The following CNTN5 variants were observed in gnomAD, a reference collection of about 807,000 sequenced individuals.
The protein encoded by CNTN5 is contactin 5.
A neutral mutation model predicts 129.1 loss-of-function variants in CNTN5; 77 were observed. The observed-to-expected ratio is 0.60, with a 90% CI of 0.50 to 0.72. The LOEUF (loss-of-function observed/expected upper bound fraction) is 0.72, where lower values mean the gene tolerates loss of function less well. Ranked by LOEUF, CNTN5 falls within the 30% of genes least tolerant of loss-of-function variation. The pLI is 0.00. For missense variants in CNTN5, 1,478 were observed against 1,328.8 expected (o/e 1.11, Z -1.75); for synonymous variants, 509 against 465.6 (o/e 1.09, Z -1.20).
chr11:99,455,777 A>G (rs1442700396), intron 2 of CNTN5, among the ~76,000 whole-genome samples: 6 of 152,178 alleles, frequency 3.9e-5, no homozygotes, highest in Admixed American at 6.6e-5. Context: ...AAGAAAAGGG[A>G]AAAAAAGCAT....
chr11:99,755,388 A>AGT (rs1280490931), intron 3 of CNTN5, among the ~76,000 whole-genome samples: 1 of 152,174 alleles, frequency 6.6e-6, no homozygotes, highest in Non-Finnish European at 1.5e-5. Context: ...AACAGCATTT[A>AGT]GTGTTGTCAG....
chr11:99,815,027 C>T (rs986603542), intron 3 of CNTN5, among the ~76,000 whole-genome samples: 1 of 144,658 alleles, frequency 6.9e-6, no homozygotes, highest in Admixed American at 6.9e-5. Context: ...ATCACAAGAA[C>T]AGCACGGGGG....
intron 8 of CNTN5, among the ~76,000 whole-genome samples, chr11:99,971,924 A>G (rs1020385067): frequency 2.6e-5 from 4 of 151,264 alleles, no homozygotes; most frequent in Admixed American, 1.3e-4. Flanking sequence ...AAACATTTGT[A>G]TCAGGATAAT....
intron 2 of CNTN5, among the ~76,000 whole-genome samples, chr11:99,434,747 C>G (rs889186727): frequency 6.6e-6 from 1 of 152,026 alleles, no homozygotes; most frequent in African/African-American, 2.4e-5. Context: ...TTTTCAGAAG[C>G]ATATTTCTGT....
intron 3 of CNTN5, among the ~76,000 whole-genome samples, chr11:99,667,080 T>C (rs999301019): frequency 5.3e-5 from 8 of 151,962 alleles, no homozygotes. Flanking sequence ...ACATTTAGAG[T>C]AGTAGAAAAA....
rs545115095 is a variant in CNTN5, at chr11:99,660,856, T to C, written c.55+104587T>C. 1.5e-3 allele frequency among the ~76,000 whole-genome samples: 229 copies of C among 152,102 alleles called. 2 individuals carry two copies. Among genetic ancestry groups the C allele is most frequent in the African/African-American group, 4.9e-3 (205 of 41,566 alleles). ...TCTCTACATTTCAATGGGTAGACCT[T>C]AGTTCCTTGGTAAAGTTTTCTATAT... On this transcript the variant is annotated intron_variant, in intron 3 of 24. Transcript: ENST00000524871.
chr11:99,406,813 A>G (rs1942091143), intron 2 of CNTN5, among the ~76,000 whole-genome samples: 1 of 152,090 alleles, frequency 6.6e-6, no homozygotes, highest in Admixed American at 6.5e-5. Flanking sequence ...AAGGCAGAGG[A>G]GCTTCATACT....
At chr11:99,475,869 C>T (rs1945351183) in intron 2 of CNTN5, among the ~76,000 whole-genome samples, 1 of 151,654 alleles carries the variant, frequency 6.6e-6, no homozygotes, top group Admixed American at 6.6e-5. Flanking sequence ...ATGTTTAAAT[C>T]ATATTTGATG....
intron 16 of CNTN5, among the ~76,000 whole-genome samples, chr11:100,245,397 T>C (rs1181041120): frequency 6.6e-6 from 1 of 152,114 alleles, no homozygotes; most frequent in East Asian, 1.9e-4. Context: ...CACAAGAAGA[T>C]TGCCGTGATC....
intron 2 of CNTN5, among the ~76,000 whole-genome samples, chr11:99,343,808 A>G (rs934122665): frequency 6.6e-6 from 1 of 152,178 alleles, no homozygotes; most frequent in African/African-American, 2.4e-5. Context: ...ATCAGATACT[A>G]TGGGTCAAAT....
chr11:99,423,118 C>T (rs967143560), intron 2 of CNTN5, among the ~76,000 whole-genome samples: 2 of 152,142 alleles, frequency 1.3e-5, no homozygotes, highest in Admixed American at 1.3e-4. Context: ...CATATCATTA[C>T]ATATGTCTTT....
intron 9 of CNTN5, among the ~76,000 whole-genome samples, chr11:100,031,566 C>T (rs912029358): frequency 4.6e-5 from 7 of 152,172 alleles, no homozygotes; most frequent in Admixed American, 1.3e-4. Context: ...GGTATACTCC[C>T]TTCTGAGAAT....
At chr11:99,657,926 C>G (rs1052175907) in intron 3 of CNTN5, among the ~76,000 whole-genome samples, 1 of 152,222 alleles carries the variant, frequency 6.6e-6, no homozygotes, top group African/African-American at 2.4e-5. Context: ...GGCCTTCTTT[C>G]ACCACTGAGG....
intron 2 of CNTN5, among the ~76,000 whole-genome samples, chr11:99,552,934 T>C (rs1948542880): frequency 6.6e-6 from 1 of 152,216 alleles, no homozygotes; most frequent in South Asian, 2.1e-4. Flanking sequence ...TTGACTTACT[T>C]CGTAGACATA....
chr11:100,274,441 C>G (rs1383886507), intron 18 of CNTN5, among the ~76,000 whole-genome samples: 1 of 152,154 alleles, frequency 6.6e-6, no homozygotes, highest in Non-Finnish European at 1.5e-5. Context: ...AGATAACCCA[C>G]AGAATATGAT....
chr11:99,674,999 G>T (rs1405824260), intron 3 of CNTN5, among the ~76,000 whole-genome samples: 1 of 146,742 alleles, frequency 6.8e-6, no homozygotes, highest in Admixed American at 7.0e-5. Context: ...CATTATATTA[G>T]GAGGCATTTT....
chr11:100,304,872 A>T (rs1266955540), intron 20 of CNTN5, among the ~76,000 whole-genome samples: 1 of 151,172 alleles, frequency 6.6e-6, no homozygotes, highest in Admixed American at 6.6e-5. Context: ...AGACTAAGAC[A>T]TGGAAAGAAT....
intron 1 of CNTN5, among the ~76,000 whole-genome samples, chr11:99,265,503 T>G (rs1202857094): frequency 1.3e-5 from 2 of 152,056 alleles, no homozygotes; most frequent in African/African-American, 4.8e-5. Flanking sequence ...AAAATTGGCA[T>G]GATTGAAGCT....
intron 2 of CNTN5, among the ~76,000 whole-genome samples, chr11:99,418,243 A>C (rs1284173297): frequency 6.6e-6 from 1 of 152,154 alleles, no homozygotes; most frequent in Non-Finnish European, 1.5e-5. Context: ...AAATGGAAAA[A>C]CAAAAAAATT....
Sources: allele counts gnomAD v4.1 joint callset (sites outside exome capture counted in the v4.1 genomes callset), GRCh38; gene constraint gnomAD v4.1.1; transcripts MANE v1.5; gene names NCBI Gene and HGNC (gene_info 2026-07-23, HGNC 2026-07-21).